Variants in MED12L observed in about 807,000 individuals in gnomAD.
MED12L encodes the protein mediator complex subunit 12L.
Under a neutral mutation model 281.3 loss-of-function variants are expected in MED12L, and 60 were observed. The observed-to-expected ratio is 0.21, with a 90% CI of 0.17 to 0.26. The LOEUF (loss-of-function observed/expected upper bound fraction) is 0.26, where lower values mean the gene tolerates loss of function less well. Ranked by LOEUF, MED12L falls within the 10% of genes least tolerant of loss-of-function variation. MED12L has a pLI of 1.00. For synonymous variants in MED12L, 974 were observed against 987.2 expected (o/e 0.99, Z 0.25); for missense variants, 2,146 against 2,680.9 (o/e 0.80, Z 4.41).
At chr3:151,206,857 G>A (rs1228921671) in intron 16 of MED12L, among the ~76,000 whole-genome samples, 1 of 151,600 alleles carries the variant, frequency 6.6e-6, no homozygotes, top group East Asian at 1.9e-4. Flanking sequence ...TGTTAGCCAG[G>A]ATGGTTTCGA....
rs144756291 is a variant in MED12L at position 151,390,009 on chromosome 3, C to G, written c.5482C>G (p.Pro1828Ala). 5.6e-5 allele frequency: 90 copies of G among 1,614,084 alleles called. No individual in the cohort carries two copies. In the African/African-American group the frequency reaches 1.2e-3, roughly 21 times the overall value. ...TCCACAGAGCAACATATACCGAGTG[C>G]CTCCTAATTACTCGCCTATCTCCTC... ...EYPQSNIYRV[P>A]PNYSPISSQM... The change falls in exon 38 of 45, where the codon CCT becomes GCT. Residue 1828 changes from proline to alanine, a missense_variant. By Grantham distance (27) the Pro-to-Ala change is conservative. Around this residue, in one of 9 missense-constraint regions of MED12L, gnomAD observed 496 missense variants for 512.0 expected, o/e 0.97. Coordinates refer to ENST00000687756, the MANE Select transcript of MED12L (RefSeq NM_001393769.1).
chr3:151,366,049 G>T, intron 23 of MED12L, 58 bp downstream of exon 23: 1 of 1,349,806 alleles, frequency 7.4e-7, no homozygotes, highest in Non-Finnish European at 9.8e-7. Context: ...TAGTTAGTGG[G>T]TAATCTTTTT....
chr3:151,424,536 G>A (rs887988579), intron 43 of MED12L, among the ~76,000 whole-genome samples: 3 of 152,216 alleles, frequency 2.0e-5, no homozygotes, highest in East Asian at 1.9e-4. Context: ...GGAGAATGGC[G>A]TGAACCCCCG....
At chr3:151,087,193 G>T (rs1719361253) in intron 2 of MED12L, among the ~76,000 whole-genome samples, 168 bp downstream of exon 2, 1 of 152,214 alleles carries the variant, frequency 6.6e-6, no homozygotes, top group African/African-American at 2.4e-5. Context: ...CGGCGGCGGA[G>T]ACCGAGCGGC....
intron 21 of MED12L, among the ~76,000 whole-genome samples, chr3:151,361,488 C>T (rs1754609253): frequency 6.6e-6 from 1 of 152,102 alleles, no homozygotes; most frequent in South Asian, 2.1e-4. Flanking sequence ...AGTTAACCTA[C>T]TTGCTATCTT....
chr3:151,407,612 T>C (rs764387307), intron 39 of MED12L, among the ~76,000 whole-genome samples: 6 of 152,214 alleles, frequency 3.9e-5, no homozygotes, highest in Non-Finnish European at 7.3e-5. Context: ...CTGATGGTCA[T>C]ACTGTCATGG....
intron 2 of MED12L, among the ~76,000 whole-genome samples, chr3:151,091,012 G>T (rs558463867): frequency 6.6e-6 from 1 of 152,210 alleles, no homozygotes. Flanking sequence ...TTGCACTCCA[G>T]CCTGGGGGAC....
At chr3:151,345,642 C>G (rs764300972) in intron 16 of MED12L, among the ~76,000 whole-genome samples, 3 of 151,426 alleles carry the variant, frequency 2.0e-5, no homozygotes, top group Admixed American at 6.6e-5. Flanking sequence ...CTCAGCCTCC[C>G]GAGTAGCTGA....
intron 16 of MED12L, among the ~76,000 whole-genome samples, chr3:151,254,975 C>G (rs1252193663): frequency 1.3e-5 from 2 of 152,146 alleles, no homozygotes; most frequent in East Asian, 3.8e-4. Flanking sequence ...TGCCTTGCTG[C>G]TCTTTTTTTT....
At position 151,141,213 on chromosome 3, in the gene MED12L, G is replaced by A. The variant is rs555625529; in HGVS notation, c.556+13229G>A. Among the ~76,000 whole-genome samples the A allele has an allele frequency of 1.8e-4, 15 of 84,998 alleles. No individual in the cohort carries two copies. In the East Asian group the frequency reaches 3.1e-3, roughly 17 times the overall value. The allele number at this position is 84,998 out of a possible 152,430, so 55.8% of individuals were successfully genotyped here. A position where few individuals can be genotyped will look rare whatever the true frequency, so the allele number is the denominator to read the frequency against. The stretch of plus-strand genomic sequence containing the variant: ...TTTTTTTTTTTTTGTTAGTAGAGAC[G>A]GGGTTTCACTGTGTTGGCCAGGCTG... On this transcript the variant is annotated intron_variant, in intron 5 of 44. Coordinates refer to ENST00000687756, the MANE Select transcript of MED12L (RefSeq NM_001393769.1).
chr3:151,123,597 T>C (rs1316562669), intron 4 of MED12L, among the ~76,000 whole-genome samples: 1 of 152,206 alleles, frequency 6.6e-6, no homozygotes, highest in Non-Finnish European at 1.5e-5. Flanking sequence ...CAGTATAAGA[T>C]ACCTCTTGAA....
chr3:151,140,851 G>T (rs1199444141), intron 5 of MED12L, among the ~76,000 whole-genome samples: 1 of 123,092 alleles, frequency 8.1e-6, no homozygotes, highest in African/African-American at 3.9e-5. Context: ...AGATAATTTT[G>T]TTTGTTTGTT....
chr3:151,176,846 A>G (rs1352793985), intron 11 of MED12L, among the ~76,000 whole-genome samples: 1 of 150,166 alleles, frequency 6.7e-6, no homozygotes, highest in Non-Finnish European at 1.5e-5. Flanking sequence ...AGTTACTTAT[A>G]TTAATTAAGT....
Position 151,357,323 on chromosome 3 carries a change from C to T in MED12L, c.2772C>T (p.Arg924=), listed in dbSNP as rs1277412059. 1 of 1,613,798 alleles carries T rather than the reference C, an allele frequency of 6.2e-7. No homozygotes were observed. The highest frequency in any genetic ancestry group is 2.2e-5 in the East Asian group (1 of 44,864). ...TCTGCATCGTGGCTGTTCTCAGGCG[C>T]TATCACAGTTGTCTAATCTTGAATC... ...LCVCIVAVLR[R]YHSCLILNPD... The change falls in exon 20 of 45, where the codon CGC becomes CGT. Residue 924 remains arginine (R), a synonymous_variant. Transcript: ENST00000687756.
At position 151,365,847 on chromosome 3, in the gene MED12L, T is replaced by C. The variant is rs1408122411; in HGVS notation, c.3186-3T>C. 6.2e-7 allele frequency: 1 copy of C among 1,605,350 alleles called. No homozygotes were observed. Among genetic ancestry groups the C allele is most frequent in the Non-Finnish European group, 8.5e-7 (1 of 1,176,480 alleles). ...CTTTCTGTGTCTTCTTTTTCTTTTC[T>C]AGGATTAACGACATAGCCAATTTCT... On this transcript the variant is annotated splice_region_variant and splice_polypyrimidine_tract_variant and intron_variant, in intron 22 of 44. Coordinates refer to ENST00000687756, the MANE Select transcript of MED12L (RefSeq NM_001393769.1).
intron 16 of MED12L, among the ~76,000 whole-genome samples, chr3:151,230,570 C>G (rs1375896152): frequency 7.2e-6 from 1 of 139,458 alleles, no homozygotes; most frequent in African/African-American, 2.6e-5. Context: ...TTACTCCACG[C>G]TTTTTTTTTT....
chr3:151,403,981 A>C (rs1467604244), intron 39 of MED12L, among the ~76,000 whole-genome samples: 1 of 152,224 alleles, frequency 6.6e-6, no homozygotes, highest in Non-Finnish European at 1.5e-5. Context: ...GAGTTAAACT[A>C]TGAAGTTCAA....
intron 17 of MED12L, among the ~76,000 whole-genome samples, chr3:151,350,690 G>A (rs905680554): frequency 6.6e-6 from 1 of 152,008 alleles, no homozygotes; most frequent in South Asian, 2.1e-4. Context: ...TTGCATTATT[G>A]AGAAAAATGA....
intron 16 of MED12L, among the ~76,000 whole-genome samples, chr3:151,333,932 G>A (rs955561224): frequency 6.6e-6 from 1 of 151,884 alleles, no homozygotes; most frequent in African/African-American, 2.4e-5. Flanking sequence ...AAGAAAATTA[G>A]CCAGGCATGG....
Sources: gnomAD v4.1 joint callset for allele counts (sites outside exome capture counted in the v4.1 genomes callset) on GRCh38, gnomAD v4.1.1 for gene constraint, gnomAD v4.1.1 regional missense constraint, MANE v1.5 for transcripts, NCBI Gene and HGNC (gene_info 2026-07-23, HGNC 2026-07-21) for gene names.